The following GABPA variants were observed in gnomAD, a reference collection of about 807,000 sequenced individuals.
The protein encoded by GABPA is GA-binding protein alpha chain.
In GABPA, 4 loss-of-function variants were observed where a neutral mutation model predicts 59.4. The observed-to-expected ratio is 0.07, with a 90% CI of 0.03 to 0.15. GABPA has a LOEUF of 0.15. GABPA is among the 10% of genes least tolerant of loss of function. The pLI is 1.00. For synonymous variants in GABPA, 164 were observed against 183.1 expected, an observed-to-expected ratio of 0.90 and a Z score of 0.84; for missense variants, 251 against 543.8, an observed-to-expected ratio of 0.46 and a Z score of 5.36.
Position 25,769,389 on chromosome 21 carries a change from G to C in GABPA, c.*157G>C, listed in dbSNP as rs2035966760. 2 of 582,728 alleles carry C rather than the reference G, an allele frequency of 3.4e-6. No individual in the cohort carries two copies. The highest frequency in any genetic ancestry group is 6.1e-6 in the Non-Finnish European group (2 of 325,708). The allele number at this position is 582,728 out of a possible 1,614,324, so 36.1% of individuals were successfully genotyped here. On this transcript the variant is annotated 3_prime_UTR_variant, in exon 10 of 10. Coordinates refer to ENST00000400075, the MANE Select transcript of GABPA (RefSeq NM_002040.4). ...AATATTTCATACTCTTGTGAATTTG[G>C]ATCTTTTTACTTTGAGCATATATTT...
chr21:25,764,466 A>G, intron 8 of GABPA, 116 bp downstream of exon 8: 1 of 1,421,970 alleles, frequency 7.0e-7, no homozygotes. Context: ...GTTTTTAGAC[A>G]GCATTTCTAG....
chr21:25,743,123 C>T (rs900968315), intron 2 of GABPA, among the ~76,000 whole-genome samples: 1 of 152,166 alleles, frequency 6.6e-6, no homozygotes, highest in Admixed American at 6.5e-5. Context: ...TTGAGACTCT[C>T]AGCAAGATGC....
chr21:25,766,588 A>G (rs547932161), intron 9 of GABPA, among the ~76,000 whole-genome samples: 175 of 152,070 alleles, frequency 1.2e-3, no homozygotes, highest in African/African-American at 4.1e-3. Flanking sequence ...GAATATATGC[A>G]AAGGTGTACG....
chr21:25,735,127 G>A lies in GABPA; in HGVS notation c.-478G>A, dbSNP rs1601097806. 1.4e-6 allele frequency: 1 copy of A among 705,172 alleles called. No individual in the cohort carries two copies. The highest frequency in any genetic ancestry group is 1.8e-5 in the African/African-American group (1 of 56,976). 43.7% of individuals were successfully genotyped at this position (705,172 alleles called of 1,614,324 possible). On this transcript the variant is annotated 5_prime_UTR_variant, in exon 1 of 10. Coordinates refer to ENST00000400075, the MANE Select transcript of GABPA (RefSeq NM_002040.4). ...CCGCCATCTTTTCTTCGCCTAATTT[G>A]ACCCGTTCTTTTTCCCCTCCTTGAA... is the stretch of plus-strand genomic sequence containing the variant.
chr21:25,743,911 G>A (rs1418944176), intron 2 of GABPA, among the ~76,000 whole-genome samples: 1 of 151,944 alleles, frequency 6.6e-6, no homozygotes, highest in African/African-American at 2.4e-5. Context: ...AGGCATGGTG[G>A]CGCATGCCTG....
In GABPA at chr21:25,735,063, A is replaced by G; in HGVS notation, c.-542A>G. 8.5e-7 allele frequency: 1 copy of G among 1,175,698 alleles called. No individual in the cohort carries two copies. Among genetic ancestry groups the G allele is most frequent in the Non-Finnish European group, 1.2e-6 (1 of 815,896 alleles). 72.8% of individuals were successfully genotyped at this position (1,175,698 alleles called of 1,614,324 possible). A position where few individuals can be genotyped will look rare whatever the true frequency, so the allele number is the denominator to read the frequency against. On this transcript the variant is annotated 5_prime_UTR_variant, in exon 1 of 10. Coordinates refer to ENST00000400075, the MANE Select transcript of GABPA (RefSeq NM_002040.4). The stretch of plus-strand genomic sequence containing the variant: ...AGACAGAAGCCAAACAGGAGGAGGA[A>G]GTGGAGGGTAAGTGCTTCCGGGTCC...
At chr21:25,756,668 C>G (rs1422896920) in intron 5 of GABPA, among the ~76,000 whole-genome samples, 1 of 152,176 alleles carries the variant, frequency 6.6e-6, no homozygotes, top group Non-Finnish European at 1.5e-5. Context: ...TTTGCTTTCT[C>G]CTGCACACAA....
chr21:25,744,181 G>T (rs1373185590), intron 2 of GABPA, among the ~76,000 whole-genome samples: 4 of 151,386 alleles, frequency 2.6e-5, no homozygotes. Context: ...AATCATGAGG[G>T]TTCTATTTTA....
chr21:25,747,001 A>G (rs1452869911), intron 3 of GABPA, among the ~76,000 whole-genome samples: 1 of 152,208 alleles, frequency 6.6e-6, no homozygotes, highest in East Asian at 1.9e-4. Flanking sequence ...TACTTACAAA[A>G]CACTCTAATT....
Position 25,739,351 on chromosome 21 carries a change from A to G in GABPA, c.-26-2222A>G, listed in dbSNP as rs546945710. 3.3e-5 allele frequency among the ~76,000 whole-genome samples: 5 copies of G among 152,336 alleles called. No individual in the cohort carries two copies. In the South Asian group the frequency reaches 1.0e-3, roughly 32 times the overall value. On this transcript the variant is annotated intron_variant, in intron 1 of 9. Transcript: ENST00000400075. ...TATGCAAATTTAGTGGCTTAAAAAC[A>G]CCACCTGTTTATTATCTTACAGTTT...
intron 9 of GABPA, among the ~76,000 whole-genome samples, chr21:25,767,703 C>T (rs935598848): frequency 1.3e-5 from 2 of 152,080 alleles, no homozygotes; most frequent in East Asian, 3.9e-4. Context: ...GCATTTTTAA[C>T]TGGATGGCAA....
At position 25,758,119 on chromosome 21, in the gene GABPA, A is replaced by G. The variant is rs1216842972; in HGVS notation, c.663A>G (p.Glu221=). Residue 221 remains glutamate, a synonymous_variant, in exon 6 of 10, where the codon GAA becomes GAG. Transcript: ENST00000400075. ...DLTTLNISGR[E]LCSLNQEDFF... ...CCACACTCAACATTTCGGGGAGAGA[A>G]TTATGTAGTCTCAACCAAGAAGATT... is the stretch of plus-strand genomic sequence containing the variant. The G allele has an allele frequency of 6.2e-7, 1 of 1,611,752 alleles. No individual in the cohort carries two copies. Among genetic ancestry groups the G allele is most frequent in the African/African-American group, 1.3e-5 (1 of 74,772 alleles).
intron 7 of GABPA, among the ~76,000 whole-genome samples, 189 bp from the exon 8 acceptor site, chr21:25,764,021 C>A (rs373029923): frequency 6.6e-6 from 1 of 152,032 alleles, no homozygotes; most frequent in Non-Finnish European, 1.5e-5. Flanking sequence ...ATAATGCAAG[C>A]GTTATACTTT....
chr21:25,764,502 G>A, intron 8 of GABPA, 93 bp from the exon 9 acceptor site: 1 of 1,453,778 alleles, frequency 6.9e-7, no homozygotes, highest in Non-Finnish European at 9.4e-7. Context: ...TTTTGCCATG[G>A]CTGAGATTTA....
At chr21:25,738,680 C>A (rs71649659) in intron 1 of GABPA, among the ~76,000 whole-genome samples, 3,114 of 152,228 alleles carry the variant, frequency 0.02, 102 homozygotes, top group African/African-American at 0.069. Flanking sequence ...AGTTCTTATT[C>A]ATTTATTCAA....
chr21:25,763,549 A>G (rs1326388619), intron 7 of GABPA, among the ~76,000 whole-genome samples: 1 of 152,074 alleles, frequency 6.6e-6, no homozygotes, highest in East Asian at 1.9e-4. Context: ...CTGTCTGCAT[A>G]TTTTATATTT....
chr21:25,749,370 G>C (rs1240103446), intron 4 of GABPA, among the ~76,000 whole-genome samples: 1 of 152,140 alleles, frequency 6.6e-6, no homozygotes, highest in East Asian at 1.9e-4. Context: ...AGTACTGGAA[G>C]TCAGCAGGTT....
At chr21:25,766,398 G>T (rs71651646) in intron 9 of GABPA, among the ~76,000 whole-genome samples, 72 of 152,080 alleles carry the variant, frequency 4.7e-4, no homozygotes, top group Non-Finnish European at 8.5e-4. Context: ...TAAAGGGAAA[G>T]ATCAATAAAC....
intron 9 of GABPA, among the ~76,000 whole-genome samples, chr21:25,766,953 C>G (rs149147953): frequency 9.3e-4 from 142 of 152,008 alleles, no homozygotes; most frequent in African/African-American, 3.3e-3. Context: ...AAACTAAGCT[C>G]CTGCTACAAA....
Sources: allele counts gnomAD v4.1 joint callset (sites outside exome capture counted in the v4.1 genomes callset), GRCh38; gene constraint gnomAD v4.1.1; transcripts MANE v1.5; gene names NCBI Gene and HGNC (gene_info 2026-07-23, HGNC 2026-07-21).